DGKZ: variants seen among roughly 807,000 people sequenced by gnomAD.
DGKZ encodes DAG kinase zeta.
DGKZ carries 45 observed loss-of-function variants against 142.5 expected under a neutral mutation model. The observed-to-expected ratio is 0.32, with a 90% CI of 0.25 to 0.40. The LOEUF (loss-of-function observed/expected upper bound fraction) is 0.40, where lower values mean the gene tolerates loss of function less well. Among genes scored for constraint, DGKZ ranks in the 10% least tolerant of loss-of-function variants. DGKZ has a pLI of 1.00. For missense variants in DGKZ, 755 were observed against 1,306.5 expected, an observed-to-expected ratio of 0.58 and a Z score of 6.51; for synonymous variants, 442 against 527.0, an observed-to-expected ratio of 0.84 and a Z score of 2.21.
At chr11:46,357,353 C>T (rs978632519) in intron 1 of DGKZ, among the ~76,000 whole-genome samples, 5 of 152,094 alleles carry the variant, frequency 3.3e-5, no homozygotes, top group Non-Finnish European at 5.9e-5. Flanking sequence ...ATGGAGCGGG[C>T]GATAGCATCC....
chr11:46,351,934 G>A (rs902722814), intron 1 of DGKZ, among the ~76,000 whole-genome samples: 3 of 152,224 alleles, frequency 2.0e-5, no homozygotes, highest in Non-Finnish European at 4.4e-5. Flanking sequence ...ATCCTGGGAT[G>A]TGGAGCTGCC....
chr11:46,376,751 C>A, intron 24 of DGKZ, 187 bp downstream of exon 24: 1 of 827,056 alleles, frequency 1.2e-6, no homozygotes, highest in South Asian at 1.8e-5. Context: ...GAGTATAGGG[C>A]GGTGCCAGCC....
chr11:46,372,751 C>G lies in DGKZ; in HGVS notation c.1072-20C>G. The G allele has an allele frequency of 6.2e-7, 1 of 1,608,884 alleles. No individual in the cohort carries two copies. Among genetic ancestry groups the G allele is most frequent in the Admixed American group, 1.7e-5 (1 of 59,522 alleles). ...CGGGGTCCCTGTGGGCCTGATTTGC[C>G]TCTGTTCTTCCTCCCCCAGGTGGGC... On this transcript the variant is annotated intron_variant, in intron 12 of 30. Coordinates refer to ENST00000527911, the Ensembl canonical transcript of DGKZ. The surrounding 1 kb of genome is among the most constrained non-coding windows in gnomAD (Gnocchi z 5.9).
intron 25 of DGKZ, 29 bp downstream of exon 25, chr11:46,377,241 C>G (rs1009056795): frequency 1.3e-6 from 2 of 1,548,928 alleles, no homozygotes; most frequent in East Asian, 4.6e-5. Flanking sequence ...TCCCTCCAGC[C>G]CCTGGCTTTC....
chr11:46,343,509 A>G (rs570128765), upstream of DGKZ, among the ~76,000 whole-genome samples: 82 of 152,328 alleles, frequency 5.4e-4, 1 homozygote, highest in Admixed American at 4.1e-3. Flanking sequence ...CTAAAGAACT[A>G]GTTATAGAGC....
chr11:46,372,152 C>G lies in DGKZ; in HGVS notation c.909C>G (p.Pro303=). ...AGCCCCTGCTGGTGTTTGTGAACCC[C>G]AAGAGTGGGGGCAACCAGGTGAACG... Residue 303 remains proline, a synonymous_variant, in exon 10 of 31, where the codon CCC becomes CCG. Coordinates refer to ENST00000527911, the Ensembl canonical transcript of DGKZ. This position sits in a 1 kb window ranked among gnomAD's most constrained non-coding sequence, Gnocchi z 5.9. The G allele has an allele frequency of 6.2e-7, 1 of 1,609,668 alleles. No individual in the cohort carries two copies. The highest frequency in any genetic ancestry group is 8.5e-7 in the Non-Finnish European group (1 of 1,177,754).
At chr11:46,377,381 G>C in intron 25 of DGKZ, 169 bp downstream of exon 25, 1 of 1,277,886 alleles carries the variant, frequency 7.8e-7, no homozygotes, top group South Asian at 1.7e-5. Flanking sequence ...CTGTGGGGAA[G>C]CGGCCTCACG....
chr11:46,357,358 G>A (rs1048717914), intron 1 of DGKZ, among the ~76,000 whole-genome samples: 2 of 152,148 alleles, frequency 1.3e-5, no homozygotes, highest in East Asian at 1.9e-4. Context: ...GCGGGCGATA[G>A]CATCCAGCCC....
exon 1 of DGKZ, chr11:46,333,057 C>A (rs941341765): frequency 2.4e-5 from 9 of 368,900 alleles, no homozygotes; most frequent in Non-Finnish European, 4.3e-5. Context: ...GAGCCCCCGC[C>A]CCCCCGGAGC....
At chr11:46,362,811 C>T (rs976684297) in intron 1 of DGKZ, among the ~76,000 whole-genome samples, 4 of 152,208 alleles carry the variant, frequency 2.6e-5, no homozygotes, top group African/African-American at 9.7e-5. Flanking sequence ...CGATAGCAGC[C>T]ACTGCAGCTC....
Position 46,367,530 on chromosome 11 carries a change from C to A in DGKZ, c.271-122C>A. On this transcript the variant is annotated intron_variant, in intron 2 of 30. Transcript: ENST00000527911. This position sits in a 1 kb window ranked among gnomAD's most constrained non-coding sequence, Gnocchi z 4.1. ...GGTTGGGACAGTGGGGCAGACGGAA[C>A]AGAGCAGGGTCGATCGGGGCGCTGG... 1 of 1,151,864 alleles carries A rather than the reference C, an allele frequency of 8.7e-7. No individual in the cohort carries two copies. The highest frequency in any genetic ancestry group is 1.2e-6 in the Non-Finnish European group (1 of 858,680). 71.4% of individuals were successfully genotyped at this position (1,151,864 alleles called of 1,614,324 possible).
intron 1 of DGKZ, among the ~76,000 whole-genome samples, chr11:46,350,613 T>C (rs1373560881): frequency 6.6e-6 from 1 of 152,052 alleles, no homozygotes. Flanking sequence ...TGGAGAATTC[T>C]GCATGCGGGC....
chr11:46,360,122 G>A lies in DGKZ; in HGVS notation c.162-7169G>A, dbSNP rs149217528. Among the ~76,000 whole-genome samples the A allele has an allele frequency of 1.7e-3, 262 of 152,164 alleles. 6 individuals are homozygous for A. The highest frequency in any genetic ancestry group is 2.4e-3 in the Non-Finnish European group (164 of 68,020). ...ACATGTCACAACAGATTGAATGCAG[G>A]GATAGACAGGAGAATCCAGCTGCCT... On this transcript the variant is annotated intron_variant, in intron 1 of 30. Coordinates refer to ENST00000527911, the Ensembl canonical transcript of DGKZ.
exon 18 of DGKZ, chr11:46,374,810 C>T (rs377232598): frequency 6.2e-7 from 1 of 1,603,720 alleles, no homozygotes; most frequent in Non-Finnish European, 8.5e-7. Flanking sequence ...ACCTGAAACC[C>T]CAGTGTGTTG....
upstream of DGKZ, among the ~76,000 whole-genome samples, chr11:46,347,015 CTG>C (rs1375370839): frequency 2.6e-5 from 4 of 152,114 alleles, no homozygotes; most frequent in Non-Finnish European, 5.9e-5. This position sits in a 1 kb window ranked among gnomAD's most constrained non-coding sequence, Gnocchi z 6.4. Context: ...ATGGGGAGCA[CTG>C]TGTGACTTTT....
exon 25 of DGKZ, chr11:46,377,166 A>T (rs993149580): frequency 1.9e-6 from 3 of 1,608,720 alleles, no homozygotes; most frequent in Non-Finnish European, 2.5e-6. Flanking sequence ...TGACCTCCCA[A>T]CCCCCACTTC....
chr11:46,365,734 A>G, intron 1 of DGKZ: 1 of 985,302 alleles, frequency 1.0e-6, no homozygotes, highest in South Asian at 4.7e-5. Flanking sequence ...ATGAGGGGAC[A>G]CCTAACCTGC....
At position 46,370,315 on chromosome 11, in the gene DGKZ, G is replaced by A. The variant is rs1943801468; in HGVS notation, c.570+306G>A. Among the ~76,000 whole-genome samples the A allele has an allele frequency of 3.3e-5, 5 of 152,264 alleles. No individual in the cohort carries two copies. In the South Asian group the frequency reaches 1.0e-3, roughly 31 times the overall value. The stretch of plus-strand genomic sequence containing the variant: ...ATTCGGTGACTCCATGGATACTTGT[G>A]TGCCGAGCGCCAAGCTGGGCAGCGG... On this transcript the variant is annotated intron_variant, in intron 6 of 30. Coordinates refer to ENST00000527911, the Ensembl canonical transcript of DGKZ.
chr11:46,333,271 G>A, exon 1 of DGKZ: 2 of 1,250,234 alleles, frequency 1.6e-6, no homozygotes, highest in South Asian at 3.3e-5. Context: ...GAAGGCGGCC[G>A]CACGATGGCC....
Sources: gnomAD v4.1 joint callset for allele counts (sites outside exome capture counted in the v4.1 genomes callset) on GRCh38, gnomAD v4.1.1 for gene constraint, Gnocchi (gnomAD v3.1) non-coding constraint, MANE v1.5 for transcripts, NCBI Gene and HGNC (gene_info 2026-07-23, HGNC 2026-07-21) for gene names.